The following GALNT9 variants were observed in gnomAD, a reference collection of about 807,000 sequenced individuals.
The protein encoded by GALNT9 is GalNAc transferase 9.
In GALNT9, 47 loss-of-function variants were observed where a neutral mutation model predicts 63.1. The ratio of observed to expected loss-of-function variants is 0.75; its 90% confidence interval spans 0.59 to 0.95. The LOEUF (loss-of-function observed/expected upper bound fraction) is 0.95. Among genes scored for constraint, GALNT9 ranks in the 40% least tolerant of loss-of-function variants. GALNT9 has a pLI of 0.00. For missense variants in GALNT9, 829 were observed against 874.8 expected, an observed-to-expected ratio of 0.95 and a Z score of 0.66; for synonymous variants, 396 against 365.7, an observed-to-expected ratio of 1.08 and a Z score of -0.94.
rs2136899230 is a variant in GALNT9 at position 132,240,697 on chromosome 12, T to A, written c.1077+7213A>T. 5.3e-4 allele frequency: 240 copies of A among 455,986 alleles called. 2 individuals carry two copies. Among genetic ancestry groups the A allele is most frequent in the South Asian group, 3.6e-3 (231 of 64,572 alleles). The allele number at this position is 455,986 out of a possible 1,614,324, so 28.2% of individuals were successfully genotyped here. A position where few individuals can be genotyped will look rare whatever the true frequency, so the allele number is the denominator to read the frequency against. ...TCTTCCTCTTTTATTCTGTTTATAA[T>A]TTACCTTATCTTGCTGGAACCCTTC... is the stretch of plus-strand genomic sequence containing the variant. On this transcript the variant is annotated intron_variant, in intron 6 of 10. Coordinates refer to ENST00000328957, the MANE Select transcript of GALNT9 (RefSeq NM_001122636.2).
chr12:132,272,637 C>A (rs1879912055), intron 2 of GALNT9: 1 of 152,242 alleles, frequency 6.6e-6, no homozygotes, highest in Non-Finnish European at 1.5e-5. Flanking sequence ...TCATTTTTCA[C>A]CCAGCACTAG....
intron 6 of GALNT9, among the ~76,000 whole-genome samples, chr12:132,230,740 C>T (rs1427772386): frequency 3.9e-5 from 6 of 152,230 alleles, no homozygotes; most frequent in Admixed American, 2.6e-4. Flanking sequence ...GGCTGGCTGA[C>T]GTGTGATAGC....
intron 6 of GALNT9, among the ~76,000 whole-genome samples, chr12:132,218,301 C>T (rs941039607): frequency 3.3e-5 from 5 of 152,158 alleles, no homozygotes; most frequent in Admixed American, 2.6e-4. Flanking sequence ...TTGGATGCAC[C>T]AGAGGTCCAG....
Position 132,329,276 on chromosome 12 carries a change from C to A in GALNT9, c.-73G>T. The A allele has an allele frequency of 6.7e-7, 1 of 1,491,620 alleles. No homozygotes were observed. The allele number at this position is 1,491,620 out of a possible 1,614,324, so 92.4% of individuals were successfully genotyped here. A position where few individuals can be genotyped will look rare whatever the true frequency, so the allele number is the denominator to read the frequency against. On this transcript the variant is annotated 5_prime_UTR_variant, in exon 1 of 11. An upstream open reading frame in the 5' UTR gains an earlier in-frame stop. Transcript: ENST00000328957. ...CCCGCCCGGGCCTGGGCTTCAGCTT[C>A]GGCTTCGGGGACCATGAGCCGCCCG...
chr12:132,291,954 C>A (rs1291889640), intron 1 of GALNT9, among the ~76,000 whole-genome samples: 1 of 152,210 alleles, frequency 6.6e-6, no homozygotes. Context: ...CCAGCCCCTG[C>A]AGCCCTCGTG....
In GALNT9 at chr12:132,197,887, TG is replaced by T. The variant is rs1875645706; in HGVS notation, c.1569del (p.Lys524SerfsTer14). On this transcript the variant is annotated frameshift_variant, in exon 10 of 11. Coordinates refer to ENST00000328957, the MANE Select transcript of GALNT9 (RefSeq NM_001122636.2). LOFTEE classifies it high-confidence loss of function. ...PLGSTAFLPDSKCLVDDGTGR... is the reference protein window; with the variant it reads ...PLGSTAFLPDXKCLVDDGTGR... ...CCCGTGCCGTCATCCACCAGACACTTGGAGTCAGGCAAGAAGGCTGTGGAGC... is the reference window on the plus strand; with the variant it reads ...CCCGTGCCGTCATCCACCAGACACTTGAGTCAGGCAAGAAGGCTGTGGAGC... 1 of 1,611,604 alleles carries T rather than the reference TG, an allele frequency of 6.2e-7. No individual in the cohort carries two copies.
At chr12:132,254,983 A>C (rs1879058994) in intron 5 of GALNT9, among the ~76,000 whole-genome samples, 1 of 152,194 alleles carries the variant, frequency 6.6e-6, no homozygotes, top group South Asian at 2.1e-4. Flanking sequence ...GAATCTTCCA[A>C]TTTTCAAAAA....
At chr12:132,291,920 C>T (rs958733444) in intron 1 of GALNT9, among the ~76,000 whole-genome samples, 15 of 152,218 alleles carry the variant, frequency 9.9e-5, no homozygotes, top group Non-Finnish European at 1.8e-4. Flanking sequence ...GCGGTTCCGG[C>T]TCCTCACGGC....
intron 6 of GALNT9, among the ~76,000 whole-genome samples, chr12:132,214,082 C>A (rs1041472497): frequency 1.3e-5 from 2 of 152,210 alleles, no homozygotes; most frequent in Non-Finnish European, 2.9e-5. Context: ...AGCCGGGACA[C>A]CACCCTCACA....
chr12:132,307,483 A>G (rs1403677085), intron 1 of GALNT9, among the ~76,000 whole-genome samples: 1 of 152,064 alleles, frequency 6.6e-6, no homozygotes. Flanking sequence ...AGACCCTGAG[A>G]CGGAGAGTGC....
intron 1 of GALNT9, among the ~76,000 whole-genome samples, chr12:132,318,370 C>A (rs1868617663): frequency 6.6e-6 from 1 of 152,202 alleles, no homozygotes. Flanking sequence ...GCTCGGGGAA[C>A]CCACATGGAT....
At chr12:132,213,191 T>C (rs71452578) in intron 6 of GALNT9, among the ~76,000 whole-genome samples, 40 of 20,486 alleles carry the variant, frequency 2.0e-3, no homozygotes, top group South Asian at 8.1e-3. Flanking sequence ...GTCTGCAGCC[T>C]TCAGACCTCG....
At chr12:132,325,186 G>C (rs1219614762) in intron 1 of GALNT9, among the ~76,000 whole-genome samples, 2 of 152,252 alleles carry the variant, frequency 1.3e-5, no homozygotes, top group Admixed American at 6.5e-5. Context: ...TGTTCCCACG[G>C]CACTCAGTCA....
intron 1 of GALNT9, among the ~76,000 whole-genome samples, chr12:132,303,342 A>C (rs1881381407): frequency 6.6e-6 from 1 of 151,088 alleles, no homozygotes; most frequent in Non-Finnish European, 1.5e-5. Context: ...CCACCACCAA[A>C]AACGGAAGCA....
Position 132,320,201 on chromosome 12 carries a change from C to T in GALNT9, c.238+8765G>A, listed in dbSNP as rs186946714. On this transcript the variant is annotated intron_variant, in intron 1 of 10. Coordinates refer to ENST00000328957, the MANE Select transcript of GALNT9 (RefSeq NM_001122636.2). ...CCTCCCCACAGCACATCCACACACGCGCTTGTTTTATTTTTATTTGTTGTT... is the reference window on the plus strand; with the variant it reads ...CCTCCCCACAGCACATCCACACACGTGCTTGTTTTATTTTTATTTGTTGTT... 4.5e-3 allele frequency among the ~76,000 whole-genome samples: 619 copies of T among 138,356 alleles called. 6 individuals are homozygous for T. Among genetic ancestry groups the T allele is most frequent in the African/African-American group, 0.014 (535 of 36,910 alleles). 90.8% of individuals were successfully genotyped at this position (138,356 alleles called of 152,430 possible).
chr12:132,253,588 AT>A, intron 5 of GALNT9, among the ~76,000 whole-genome samples: 1 of 152,348 alleles, frequency 6.6e-6, no homozygotes, highest in South Asian at 2.1e-4. Flanking sequence ...TATAATAATG[AT>A]TGATAATTGT....
At chr12:132,305,654 C>T (rs1389272644) in intron 1 of GALNT9, among the ~76,000 whole-genome samples, 6 of 151,732 alleles carry the variant, frequency 4.0e-5, no homozygotes, top group South Asian at 2.1e-4. Context: ...CGCCCTCGCC[C>T]GGGCACAGCC....
intron 6 of GALNT9, chr12:132,205,808 C>T (rs1258830811): frequency 1.3e-5 from 2 of 152,164 alleles, no homozygotes; most frequent in Non-Finnish European, 2.9e-5. Flanking sequence ...GATTTCTGTT[C>T]GCAGCGGGAA....
rs993374709 is a variant in GALNT9 at position 132,296,146 on chromosome 12, G to C, written c.239-9716C>G. Among the ~76,000 whole-genome samples the C allele has an allele frequency of 2.6e-5, 4 of 152,138 alleles. No individual in the cohort carries two copies. The highest frequency in any genetic ancestry group is 5.9e-5 in the Non-Finnish European group (4 of 67,998). Reference sequence around the variant, plus strand: ...CTGAACAGGGAGAGCCTCTGAACAGGGACGGCCTCCGAACAGGGAGAGCCT... The same window carrying C: ...CTGAACAGGGAGAGCCTCTGAACAGCGACGGCCTCCGAACAGGGAGAGCCT... On this transcript the variant is annotated intron_variant, in intron 1 of 10. Transcript: ENST00000328957. The surrounding 1 kb of genome is among the most constrained non-coding windows in gnomAD (Gnocchi z 4.2).
Sources: allele counts gnomAD v4.1 joint callset (sites outside exome capture counted in the v4.1 genomes callset), GRCh38; gene constraint gnomAD v4.1.1; non-coding constraint Gnocchi (gnomAD v3.1); transcripts MANE v1.5; gene names NCBI Gene and HGNC (gene_info 2026-07-23, HGNC 2026-07-21).